MTFR1: variants seen among roughly 807,000 people sequenced by gnomAD.
MTFR1 encodes the protein mitochondrial fission regulator 1, also known as chondrocyte protein with a poly-proline region.
In MTFR1, 28 loss-of-function variants were observed where a neutral mutation model predicts 38.8. The observed-to-expected ratio is 0.72, with a 90% CI of 0.53 to 0.99. The LOEUF (loss-of-function observed/expected upper bound fraction) is 0.99. Among genes scored for constraint, MTFR1 ranks in the 50% least tolerant of loss-of-function variants. The probability of loss-of-function intolerance (pLI) is 0.00; values close to 1 mark genes in which losing one functional copy is unlikely to be tolerated. For synonymous variants in MTFR1, 145 were observed against 137.0 expected (o/e 1.06, Z -0.41); for missense variants, 358 against 395.5 (o/e 0.91, Z 0.81).
chr8:65,701,731 A>G (rs1440926393), intron 4 of MTFR1, among the ~76,000 whole-genome samples: 1 of 152,188 alleles, frequency 6.6e-6, no homozygotes, highest in African/African-American at 2.4e-5. Flanking sequence ...GAAGTATAAG[A>G]TGGAATGTGC....
intron 3 of MTFR1, among the ~76,000 whole-genome samples, chr8:65,761,142 C>A (rs1347290822): frequency 2.0e-5 from 3 of 152,028 alleles, no homozygotes; most frequent in African/African-American, 7.3e-5. Context: ...TCACTGCAAC[C>A]TCCGCCTCCC....
intron 4 of MTFR1, among the ~76,000 whole-genome samples, chr8:65,698,730 TTC>T (rs1805521145): frequency 6.7e-6 from 1 of 148,432 alleles, no homozygotes; most frequent in Non-Finnish European, 1.5e-5. Context: ...TGTTGTTCCC[TTC>T]TTTTTTTTTT....
chr8:65,663,132 G>C (rs566960126), intron 1 of MTFR1, among the ~76,000 whole-genome samples: 1 of 152,206 alleles, frequency 6.6e-6, no homozygotes, highest in African/African-American at 2.4e-5. Flanking sequence ...GATGGTTGCC[G>C]TGTCTGTGTA....
downstream of MTFR1, among the ~76,000 whole-genome samples, chr8:65,710,859 T>C (rs565266218): frequency 4.6e-5 from 7 of 152,250 alleles, no homozygotes; most frequent in African/African-American, 1.7e-4. Flanking sequence ...TTCTAGTTCT[T>C]TCACCCAACA....
At chr8:65,654,084 GA>G (rs1473679576) in intron 1 of MTFR1, among the ~76,000 whole-genome samples, 1 of 147,924 alleles carries the variant, frequency 6.8e-6, no homozygotes, top group Non-Finnish European at 1.5e-5. Flanking sequence ...AAAAAAAAAG[GA>G]AAATCACAAA....
chr8:65,693,309 A>G (rs1029447074), intron 3 of MTFR1, among the ~76,000 whole-genome samples: 4 of 151,908 alleles, frequency 2.6e-5, no homozygotes, highest in African/African-American at 9.7e-5. Flanking sequence ...GCTGAGGCAG[A>G]AGAATCGCTT....
At chr8:65,668,184 C>CTTT (rs200290743) in intron 1 of MTFR1, among the ~76,000 whole-genome samples, 5 of 109,144 alleles carry the variant, frequency 4.6e-5, no homozygotes, top group Non-Finnish European at 1.0e-4. Context: ...TTTTTTTTTT[C>CTTT]TTTTTTTTTT....
chr8:65,710,673 A>AAAAT (rs1193507437), downstream of MTFR1: 16 of 152,134 alleles, frequency 1.1e-4, no homozygotes, highest in African/African-American at 2.7e-4. Flanking sequence ...TATATTCCTT[A>AAAAT]AAATAAGCTC....
intron 3 of MTFR1, among the ~76,000 whole-genome samples, chr8:65,743,466 A>G (rs1807531250): frequency 6.6e-6 from 1 of 152,228 alleles, no homozygotes; most frequent in Non-Finnish European, 1.5e-5. Flanking sequence ...GGGAGGCAGG[A>G]GGGTGGCTCT....
intron 3 of MTFR1, among the ~76,000 whole-genome samples, chr8:65,747,311 T>C (rs1807718046): frequency 6.6e-6 from 1 of 152,216 alleles, no homozygotes; most frequent in African/African-American, 2.4e-5. Context: ...TCTTTATTGA[T>C]GGAATACGGA....
At chr8:65,742,020 C>A (rs1248597484) in intron 3 of MTFR1, among the ~76,000 whole-genome samples, 1 of 152,128 alleles carries the variant, frequency 6.6e-6, no homozygotes, top group East Asian at 1.9e-4. Flanking sequence ...AAGATACCAA[C>A]TGAGGATTAT....
intron 5 of MTFR1, among the ~76,000 whole-genome samples, chr8:65,705,618 G>C (rs1302791445): frequency 1.3e-5 from 2 of 152,212 alleles, no homozygotes; most frequent in Non-Finnish European, 2.9e-5. Flanking sequence ...CTGGGTTTCT[G>C]TGTGGTACGT....
intron 1 of MTFR1, among the ~76,000 whole-genome samples, chr8:65,656,522 G>T (rs1400472700): frequency 1.4e-5 from 2 of 141,010 alleles, no homozygotes; most frequent in East Asian, 4.3e-4. Flanking sequence ...TTTTTTTTGA[G>T]ATGGAGTCTT....
At position 65,689,216 on chromosome 8, in the gene MTFR1, AGTGT is replaced by A. The variant is rs1805197337; in HGVS notation, c.166-4427_166-4424del. Among the ~76,000 whole-genome samples, 3 of 152,190 alleles carry A rather than the reference AGTGT, an allele frequency of 2.0e-5. No individual in the cohort carries two copies. The South Asian group carries it at 6.2e-4, about 31-fold the overall frequency. On this transcript the variant is annotated intron_variant, in intron 3 of 7. Coordinates refer to ENST00000262146, the MANE Select transcript of MTFR1 (RefSeq NM_014637.4). ...AAACAAATGGTAGTAAACTAGAATG[AGTGT>A]ATTTACTATTATGCCCTTTGCAGAG...
intron 7 of MTFR1, chr8:65,708,311 T>G: frequency 2.2e-6 from 1 of 447,442 alleles, no homozygotes; most frequent in Non-Finnish European, 4.1e-6. Context: ...CACTACTAAG[T>G]AATCTCCAAT....
intron 3 of MTFR1, among the ~76,000 whole-genome samples, chr8:65,767,630 G>C (rs1027524112): frequency 1.3e-5 from 2 of 152,158 alleles, no homozygotes; most frequent in Non-Finnish European, 2.9e-5. Context: ...TCTGGGGGAA[G>C]GAATGCTGAC....
At chr8:65,645,240 C>G (rs976940487) in intron 1 of MTFR1, among the ~76,000 whole-genome samples, 2 of 152,214 alleles carry the variant, frequency 1.3e-5, no homozygotes, top group African/African-American at 4.8e-5. Context: ...GCACCGCCAG[C>G]CGGCCTCCGG....
intron 1 of MTFR1, among the ~76,000 whole-genome samples, chr8:65,657,848 T>C (rs948913007): frequency 6.6e-6 from 1 of 152,332 alleles, no homozygotes; most frequent in Admixed American, 6.5e-5. Context: ...GCAATACATA[T>C]AATGTGTAGT....
chr8:65,693,307 A>T (rs1169899549), intron 3 of MTFR1, among the ~76,000 whole-genome samples: 1 of 152,062 alleles, frequency 6.6e-6, no homozygotes, highest in Non-Finnish European at 1.5e-5. Context: ...AGGCTGAGGC[A>T]GAAGAATCGC....
Sources: allele counts gnomAD v4.1 joint callset (sites outside exome capture counted in the v4.1 genomes callset), GRCh38; gene constraint gnomAD v4.1.1; transcripts MANE v1.5; gene names NCBI Gene and HGNC (gene_info 2026-07-23, HGNC 2026-07-21).